ANKRD26: variants seen among roughly 807,000 people sequenced by gnomAD.
ANKRD26 encodes the protein ankyrin repeat domain-containing protein 26.
A neutral mutation model predicts 208.7 loss-of-function variants in ANKRD26; 141 were observed. The ratio of observed to expected loss-of-function variants is 0.68; its 90% CI spans 0.59 to 0.78. The LOEUF is 0.78. Ranked by LOEUF, ANKRD26 falls within the 30% of genes least tolerant of loss-of-function variation. The probability of loss-of-function intolerance (pLI) is 0.00; values close to 1 mark genes in which losing one functional copy is unlikely to be tolerated. For synonymous variants in ANKRD26, 636 were observed against 660.4 expected (o/e 0.96, Z 0.57); for missense variants, 1,889 against 1,938.7 (o/e 0.97, Z 0.48).
intron 32 of ANKRD26, among the ~76,000 whole-genome samples, chr10:27,007,779 TATA>T (rs1186768759): frequency 6.6e-6 from 1 of 152,186 alleles, no homozygotes; most frequent in Non-Finnish European, 1.5e-5. Flanking sequence ...GTGATGCTAT[TATA>T]ATGTCATGTG....
intron 12 of ANKRD26, among the ~76,000 whole-genome samples, chr10:27,062,770 CTTTT>C (rs879365257): frequency 5.6e-5 from 8 of 142,456 alleles, no homozygotes; most frequent in African/African-American, 1.0e-4. Flanking sequence ...TTCTTTCTTT[CTTTT>C]TTTTTTTTTT....
At chr10:27,045,968 A>G (rs2054427306) in intron 18 of ANKRD26, 1 of 159,316 alleles carries the variant, frequency 6.3e-6, no homozygotes, top group Non-Finnish European at 1.4e-5. Flanking sequence ...CATGCAAACA[A>G]AACTAAATTT....
chr10:27,067,088 T>A, intron 10 of ANKRD26, 69 bp downstream of exon 10: 1 of 1,557,934 alleles, frequency 6.4e-7, no homozygotes, highest in Admixed American at 1.7e-5. Context: ...ATCACAGGTG[T>A]GAGCCACATC....
intron 3 of ANKRD26, among the ~76,000 whole-genome samples, chr10:26,984,446 T>C (rs1473565008): frequency 6.6e-6 from 1 of 152,200 alleles, no homozygotes; most frequent in African/African-American, 2.4e-5. Flanking sequence ...TACCCCCTAA[T>C]TGTGCAGCAC....
In ANKRD26 at chr10:27,035,168, T is replaced by C; in HGVS notation, c.3282A>G (p.Leu1094=). 1.2e-6 allele frequency: 2 copies of C among 1,614,068 alleles called. No individual in the cohort carries two copies. Among genetic ancestry groups the C allele is most frequent in the Non-Finnish European group, 8.5e-7 (1 of 1,179,936 alleles). ...RDALREKTLG[L]ERVQKDLSQT... is the part of the protein sequence containing the mutation. ...GGCTTAGGTCCTTTTGTACCCGTTC[T>C]AAACCCAAAGTCTTTTCTCTGAGGG... The change falls in exon 24 of 34, where the codon TTA becomes TTG. Residue 1094 remains leucine (L), a synonymous_variant. Coordinates refer to ENST00000376087, the MANE Select transcript of ANKRD26 (RefSeq NM_014915.3).
intron 5 of ANKRD26, 113 bp downstream of exon 5, chr10:27,086,426 T>A (rs1242837529): frequency 7.4e-6 from 10 of 1,360,170 alleles, no homozygotes; most frequent in Non-Finnish European, 7.0e-6. Flanking sequence ...AAAATACACA[T>A]GCACCTTATA....
At chr10:27,076,933 A>C (rs989802655) in intron 9 of ANKRD26, 7 of 177,328 alleles carry the variant, frequency 3.9e-5, no homozygotes, top group Non-Finnish European at 5.9e-5. Flanking sequence ...AAAAGAACTG[A>C]TAACAATTCT....
intron 20 of ANKRD26, among the ~76,000 whole-genome samples, chr10:27,042,801 A>G (rs1450343251): frequency 7.5e-6 from 1 of 133,308 alleles, no homozygotes; most frequent in African/African-American, 2.7e-5. Flanking sequence ...AAAAATACAA[A>G]AAAAAAAAAA....
chr10:27,054,983 G>T (rs1194468524), intron 15 of ANKRD26, among the ~76,000 whole-genome samples: 1 of 152,126 alleles, frequency 6.6e-6, no homozygotes, highest in African/African-American at 2.4e-5. Context: ...AATTTCAGGG[G>T]CATATGAATA....
At chr10:27,062,770 CTTT>C (rs879365257) in intron 12 of ANKRD26, among the ~76,000 whole-genome samples, 6 of 142,424 alleles carry the variant, frequency 4.2e-5, no homozygotes, top group Non-Finnish European at 4.6e-5. Flanking sequence ...TTCTTTCTTT[CTTT>C]TTTTTTTTTT....
intron 10 of ANKRD26, 32 bp from the exon 11 acceptor site, chr10:27,066,580 A>AGAACAT: frequency 6.9e-7 from 1 of 1,455,810 alleles, no homozygotes; most frequent in South Asian, 1.2e-5. Flanking sequence ...TATATTCATG[A>AGAACAT]GAACATTTAC....
chr10:26,966,119 A>T, the ANKRD26 span, among the ~76,000 whole-genome samples: 2 of 152,218 alleles, frequency 1.3e-5, no homozygotes, highest in Non-Finnish European at 2.9e-5. Flanking sequence ...TGACCCAGCA[A>T]TCCCCTTTCT....
chr10:27,035,704 T>A lies in ANKRD26; in HGVS notation c.2746A>T (p.Met916Leu). The A allele has an allele frequency of 6.2e-7, 1 of 1,605,612 alleles. No homozygotes were observed. The highest frequency in any genetic ancestry group is 1.1e-5 in the South Asian group (1 of 89,516). ...EEKDLSHKNS[M>L]LQEEIAMLRL... ...AGCATAGCAATTTCTTCCTGCAACATGCTATTTTTATGCGATAGGTCTTTT... is the reference window on the plus strand; with the variant it reads ...AGCATAGCAATTTCTTCCTGCAACAAGCTATTTTTATGCGATAGGTCTTTT... Residue 916 changes from methionine to leucine, a missense_variant, in exon 24 of 34, where the codon ATG (methionine) becomes TTG (leucine). Physicochemically the swap from Met to Leu is conservative, Grantham distance 15 (BLOSUM62 2). Transcript: ENST00000376087.
downstream of ANKRD26, among the ~76,000 whole-genome samples, chr10:26,970,688 T>C (rs1564323697): frequency 6.6e-6 from 1 of 152,230 alleles, no homozygotes; most frequent in Admixed American, 6.5e-5. Flanking sequence ...TGCTCTCTTC[T>C]GTCTTACCAA....
chr10:26,966,966 T>G, the ANKRD26 span, among the ~76,000 whole-genome samples: 1 of 152,212 alleles, frequency 6.6e-6, no homozygotes, highest in Non-Finnish European at 1.5e-5. Context: ...CCATGTAGAT[T>G]TAAAAACATA....
chr10:27,012,366 A>G (rs2053142874), intron 32 of ANKRD26, among the ~76,000 whole-genome samples: 1 of 151,704 alleles, frequency 6.6e-6, no homozygotes, highest in Non-Finnish European at 1.5e-5. Context: ...AACAAATGGT[A>G]CCTCTTGAAA....
At chr10:27,098,801 G>A (rs1355446121) in intron 1 of ANKRD26, among the ~76,000 whole-genome samples, 1 of 152,054 alleles carries the variant, frequency 6.6e-6, no homozygotes, top group Non-Finnish European at 1.5e-5. Flanking sequence ...CGCCCGCCTC[G>A]GCCTCCCGAA....
chr10:26,997,109 A>G (rs1172131547), intron 4 of ANKRD26, among the ~76,000 whole-genome samples: 2 of 152,156 alleles, frequency 1.3e-5, no homozygotes, highest in Non-Finnish European at 2.9e-5. Flanking sequence ...TTGTGGCCCA[A>G]AAGATTGAAA....
In ANKRD26 at chr10:27,077,547, T is replaced by C. The variant is rs1364159018; in HGVS notation, c.875-7A>G. ...GTGCCATATGTTGCTTCTACTACAG[T>C]AAAAACAAAATAAAGAGTAAATGAA... On this transcript the variant is annotated splice_region_variant and splice_polypyrimidine_tract_variant and intron_variant, in intron 8 of 33. Coordinates refer to ENST00000376087, the MANE Select transcript of ANKRD26 (RefSeq NM_014915.3). The C allele has an allele frequency of 3.1e-6, 5 of 1,613,248 alleles. No homozygotes were observed. Among genetic ancestry groups the C allele is most frequent in the Non-Finnish European group, 4.2e-6 (5 of 1,179,440 alleles).
Sources: allele counts gnomAD v4.1 joint callset (sites outside exome capture counted in the v4.1 genomes callset), GRCh38; gene constraint gnomAD v4.1.1; transcripts MANE v1.5; gene names NCBI Gene and HGNC (gene_info 2026-07-23, HGNC 2026-07-21).